The following NINJ2 variants were observed in gnomAD, a reference collection of about 807,000 sequenced individuals.
The protein encoded by NINJ2 is ninjurin-2.
In NINJ2, 12 loss-of-function variants were observed where a neutral mutation model predicts 11.7. The ratio of observed to expected loss-of-function variants is 1.02; its 90% CI spans 0.66 to 1.66. The LOEUF (loss-of-function observed/expected upper bound fraction) is 1.66. Among genes scored for constraint, NINJ2 ranks in the 40% most tolerant of loss-of-function variants. The probability of loss-of-function intolerance (pLI) is 0.00; values close to 1 mark genes in which losing one functional copy is unlikely to be tolerated. For synonymous variants in NINJ2, 93 were observed against 76.8 expected (o/e 1.21, Z -1.10); for missense variants, 187 against 181.8 (o/e 1.03, Z -0.16).
chr12:616,222 G>A (rs1197970647), intron 1 of NINJ2, among the ~76,000 whole-genome samples: 1 of 152,206 alleles, frequency 6.6e-6, no homozygotes, highest in Admixed American at 6.5e-5. Context: ...ACTTCTCCAA[G>A]AACAGAGGCT....
chr12:590,047 A>T (rs916213743), intron 1 of NINJ2, among the ~76,000 whole-genome samples: 6 of 152,178 alleles, frequency 3.9e-5, no homozygotes, highest in Admixed American at 3.9e-4. Context: ...GGCAGCAGGG[A>T]GCAGTAGGAA....
intron 1 of NINJ2, among the ~76,000 whole-genome samples, chr12:648,977 C>CCTGT: frequency 3.6e-5 from 1 of 27,934 alleles, no homozygotes; most frequent in African/African-American, 8.8e-5. Context: ...AAGTCATCCA[C>CCTGT]CTATCTATCT....
chr12:615,759 G>A (rs1328997414), intron 1 of NINJ2, among the ~76,000 whole-genome samples: 2 of 152,214 alleles, frequency 1.3e-5, no homozygotes, highest in Non-Finnish European at 2.9e-5. Context: ...AGAGGGCTAT[G>A]TGTGGGACTG....
chr12:653,672 C>T (rs1329901579), intron 1 of NINJ2, among the ~76,000 whole-genome samples: 1 of 151,418 alleles, frequency 6.6e-6, no homozygotes, highest in Non-Finnish European at 1.5e-5. Context: ...ATATAAAATG[C>T]TCAGTTAAAA....
Position 595,553 on chromosome 12 carries a change from T to A in NINJ2, c.34-29375A>T, listed in dbSNP as rs142528975. ...ACTTTGGGAGGCCAAGGCGGGTGGA[T>A]CACCTGAGGTTGGAAGTTCAAGACC... On this transcript the variant is annotated intron_variant, in intron 1 of 3. Transcript: ENST00000305108. Among the ~76,000 whole-genome samples the A allele has an allele frequency of 9.0e-3, 1,377 of 152,268 alleles. 11 individuals are homozygous for A. Among genetic ancestry groups the A allele is most frequent in the Non-Finnish European group, 0.015 (1,017 of 68,022 alleles).
At chr12:587,956 T>C (rs11063750) in intron 1 of NINJ2, among the ~76,000 whole-genome samples, 50,402 of 152,018 alleles carry the variant, frequency 0.33, 8,596 homozygotes, top group Admixed American at 0.41. Flanking sequence ...CACTTACTGA[T>C]AACTAGTAGT....
intron 1 of NINJ2, chr12:643,540 A>T (rs1479621650): frequency 5.7e-5 from 56 of 987,814 alleles, no homozygotes; most frequent in Non-Finnish European, 6.7e-5. Context: ...TCCTCCCAAG[A>T]CCTGTGGGGC....
chr12:589,784 A>G (rs1448223110), intron 1 of NINJ2, among the ~76,000 whole-genome samples: 4 of 151,242 alleles, frequency 2.6e-5, no homozygotes, highest in Admixed American at 1.3e-4. Context: ...AGACGAATCC[A>G]TATGGCTCCT....
At chr12:660,321 G>A (rs1937940939) in intron 1 of NINJ2, among the ~76,000 whole-genome samples, 2 of 147,288 alleles carry the variant, frequency 1.4e-5, no homozygotes, top group African/African-American at 2.5e-5. Context: ...AGGAATCACA[G>A]GTCTGATAAG....
At position 640,549 on chromosome 12, in the gene NINJ2, G is replaced by A. The variant is rs898925110; in HGVS notation, c.33+22779C>T. Among the ~76,000 whole-genome samples the A allele has an allele frequency of 2.6e-5, 4 of 152,094 alleles. No homozygotes were observed. The highest frequency in any genetic ancestry group is 2.0e-4 in the Admixed American group (3 of 15,268). Reference sequence around the variant, plus strand: ...TTTATTTTGTTTTATTTTTGAGACTGAGTCTTGCCCTGTCACCCAGGCTGG... The same window carrying A: ...TTTATTTTGTTTTATTTTTGAGACTAAGTCTTGCCCTGTCACCCAGGCTGG... On this transcript the variant is annotated intron_variant, in intron 1 of 3. Transcript: ENST00000305108. The surrounding 1 kb of genome is among the most constrained non-coding windows in gnomAD (Gnocchi z 4.0).
At chr12:576,120 C>T (rs1317951255) in intron 1 of NINJ2, among the ~76,000 whole-genome samples, 2 of 152,226 alleles carry the variant, frequency 1.3e-5, no homozygotes, top group Non-Finnish European at 1.5e-5. Context: ...AGCAATAATA[C>T]GTAACTGGTC....
At chr12:642,938 G>A (rs979729809) in intron 1 of NINJ2, 2 of 146,738 alleles carry the variant, frequency 1.4e-5, no homozygotes, top group African/African-American at 5.2e-5. Flanking sequence ...GGCCCCGGCC[G>A]CCCCCACGCC....
chr12:647,222 C>G (rs1468754270), intron 1 of NINJ2, among the ~76,000 whole-genome samples: 1 of 152,228 alleles, frequency 6.6e-6, no homozygotes, highest in Non-Finnish European at 1.5e-5. Flanking sequence ...AGCTCTCTTC[C>G]CTCTCCTGAG....
At chr12:631,675 A>T (rs55839256) in intron 1 of NINJ2, among the ~76,000 whole-genome samples, 22,386 of 152,130 alleles carry the variant, frequency 0.15, 2,060 homozygotes, top group South Asian at 0.26. Context: ...TCTACCTCTG[A>T]TCCCTGGGAT....
At chr12:623,820 GC>G (rs1474031963) in intron 1 of NINJ2, among the ~76,000 whole-genome samples, 1 of 152,192 alleles carries the variant, frequency 6.6e-6, no homozygotes, top group African/African-American at 2.4e-5. Context: ...GATCGCTTGA[GC>G]CCAGGAGTTC....
chr12:648,980 A>G (rs892888138), intron 1 of NINJ2, among the ~76,000 whole-genome samples: 5 of 17,888 alleles, frequency 2.8e-4, no homozygotes, highest in Non-Finnish European at 2.5e-4. Context: ...TCATCCACCT[A>G]TCTATCTATC....
intron 1 of NINJ2, among the ~76,000 whole-genome samples, chr12:597,852 T>C (rs1947809799): frequency 2.0e-5 from 3 of 152,246 alleles, no homozygotes; most frequent in Admixed American, 6.5e-5. Context: ...TGGGGCATTG[T>C]TGCTTTTGGG....
rs1230698603 is a variant in NINJ2 at position 614,275 on chromosome 12, C to T, written c.34-48097G>A. 1.3e-5 allele frequency among the ~76,000 whole-genome samples: 2 copies of T among 152,214 alleles called. No individual in the cohort carries two copies. Among genetic ancestry groups the T allele is most frequent in the East Asian group, 3.8e-4 (2 of 5,202 alleles). ...GTTACTAATCCCACTGTGGTTTATACCTCATGACTTCTTGCATTCGGCTGA... is the reference window on the plus strand; with the variant it reads ...GTTACTAATCCCACTGTGGTTTATATCTCATGACTTCTTGCATTCGGCTGA... On this transcript the variant is annotated intron_variant, in intron 1 of 3. Transcript: ENST00000305108. This position sits in a 1 kb window ranked among gnomAD's most constrained non-coding sequence, Gnocchi z 5.1.
chr12:589,251 T>G (rs531473242), intron 1 of NINJ2, among the ~76,000 whole-genome samples: 1 of 152,192 alleles, frequency 6.6e-6, no homozygotes, highest in East Asian at 1.9e-4. Context: ...TAAAAAACAA[T>G]GGACAAAATG....
Sources: allele counts gnomAD v4.1 joint callset (sites outside exome capture counted in the v4.1 genomes callset), GRCh38; gene constraint gnomAD v4.1.1; non-coding constraint Gnocchi (gnomAD v3.1); transcripts MANE v1.5; gene names NCBI Gene and HGNC (gene_info 2026-07-23, HGNC 2026-07-21).